The following TJP1 variants were observed in gnomAD, a reference collection of about 807,000 sequenced individuals.
The protein encoded by TJP1 is tight junction protein ZO-1.
A neutral mutation model predicts 194.2 loss-of-function variants in TJP1; 43 were observed. The observed-to-expected ratio is 0.22, with a 90% CI of 0.17 to 0.29. TJP1 has a LOEUF of 0.29. Among genes scored for constraint, TJP1 ranks in the 10% least tolerant of loss-of-function variants. TJP1 has a pLI of 1.00. For synonymous variants in TJP1, 801 were observed against 779.0 expected, an observed-to-expected ratio of 1.03 and a Z score of -0.47; for missense variants, 1,971 against 2,185.7, an observed-to-expected ratio of 0.90 and a Z score of 1.96.
chr15:29,808,623 C>A (rs1595973313), intron 1 of TJP1, among the ~76,000 whole-genome samples: 2 of 152,268 alleles, frequency 1.3e-5, no homozygotes, highest in Middle Eastern at 6.8e-3. Flanking sequence ...GCTGGCAGAA[C>A]TCATTATTTT....
chr15:29,899,161 G>A (rs979037779), intron 2 of TJP1, among the ~76,000 whole-genome samples: 2 of 152,140 alleles, frequency 1.3e-5, no homozygotes, highest in African/African-American at 4.8e-5. Context: ...GTTTCATGAG[G>A]CAGAAAGTGA....
At chr15:29,889,241 TAA>T (rs1398153257) in intron 2 of TJP1, among the ~76,000 whole-genome samples, 1 of 152,256 alleles carries the variant, frequency 6.6e-6, no homozygotes, top group Admixed American at 6.5e-5. Context: ...AGAAATTTAT[TAA>T]GTTTGTAAAT....
chr15:29,788,707 A>G (rs564867144), intron 2 of TJP1, among the ~76,000 whole-genome samples: 6 of 152,366 alleles, frequency 3.9e-5, no homozygotes, highest in African/African-American at 1.4e-4. Flanking sequence ...ATACTTTAGT[A>G]TACAAATATT....
intron 21 of TJP1, 34 bp downstream of exon 21, chr15:29,718,232 G>C: frequency 6.2e-7 from 1 of 1,601,510 alleles, no homozygotes; most frequent in South Asian, 1.1e-5. Context: ...TAAACGGTGT[G>C]CCCATGCATC....
chr15:29,961,031 G>A (rs1252432033), intron 1 of TJP1, among the ~76,000 whole-genome samples: 1 of 152,168 alleles, frequency 6.6e-6, no homozygotes, highest in South Asian at 2.1e-4. Flanking sequence ...AGGGGCGTGT[G>A]TGTTTCATTG....
chr15:29,748,990 A>C (rs1051927938), intron 8 of TJP1, among the ~76,000 whole-genome samples: 19 of 151,544 alleles, frequency 1.3e-4, no homozygotes, highest in African/African-American at 4.6e-4. Flanking sequence ...TATTATGAGG[A>C]AAGCTTTCTA....
intron 5 of TJP1, among the ~76,000 whole-genome samples, chr15:29,765,831 G>T (rs541884400): frequency 6.6e-6 from 1 of 152,308 alleles, no homozygotes; most frequent in African/African-American, 2.4e-5. Flanking sequence ...AGCAGAGGTT[G>T]CAGGGAGCTG....
intron 2 of TJP1, among the ~76,000 whole-genome samples, chr15:29,832,690 A>AT (rs1567115778): frequency 6.6e-6 from 1 of 152,226 alleles, no homozygotes; most frequent in Non-Finnish European, 1.5e-5. Flanking sequence ...CCTTTTGTGT[A>AT]TATGAAGTAC....
At chr15:29,790,286 G>C (rs1454561152) in intron 2 of TJP1, among the ~76,000 whole-genome samples, 1 of 152,176 alleles carries the variant, frequency 6.6e-6, no homozygotes, top group Non-Finnish European at 1.5e-5. Context: ...TAAGACAGTT[G>C]AAAGTACCAT....
intron 2 of TJP1, among the ~76,000 whole-genome samples, chr15:29,873,920 CACA>C (rs2052610661): frequency 6.6e-6 from 1 of 152,150 alleles, no homozygotes; most frequent in Non-Finnish European, 1.5e-5. Flanking sequence ...TGAGATATTG[CACA>C]AAGTACAGCA....
At chr15:29,938,355 CAA>C (rs1410008335) in intron 2 of TJP1, among the ~76,000 whole-genome samples, 1 of 152,032 alleles carries the variant, frequency 6.6e-6, no homozygotes, top group Non-Finnish European at 1.5e-5. Flanking sequence ...AATGGAGAAA[CAA>C]AGTTAATAAA....
intron 16 of TJP1, among the ~76,000 whole-genome samples, chr15:29,727,293 G>A (rs567740404): frequency 4.6e-5 from 7 of 151,350 alleles, no homozygotes; most frequent in East Asian, 2.0e-4. Context: ...ACAGTGAGCC[G>A]AGATCACGCC....
At position 29,732,450 on chromosome 15, in the gene TJP1, T is replaced by G. The variant is rs374150444; in HGVS notation, c.2000A>C (p.Asp667Ala). Residue 667 changes from aspartate (D) to alanine (A), a missense_variant, in exon 15 of 28, where the codon GAT becomes GCT. By Grantham distance (126) the Asp-to-Ala change is moderately radical (BLOSUM62 -2). Transcript: ENST00000614355. ...CTACTTACTTGCAATTTGATAAATATCTGGTTCTTCTCTTGCCAGCTTTTC... is the reference window on the plus strand; with the variant it reads ...CTACTTACTTGCAATTTGATAAATAGCTGGTTCTTCTCTTGCCAGCTTTTC... ...AREKLAREEP[D>A]IYQIAKSEPR... is the part of the protein sequence containing the mutation. 107 of 1,613,398 alleles carry G rather than the reference T, an allele frequency of 6.6e-5. No homozygotes were observed. Among genetic ancestry groups the G allele is most frequent in the Admixed American group, 3.3e-4 (20 of 60,006 alleles).
At chr15:29,794,173 C>A (rs2048265472) in intron 2 of TJP1, among the ~76,000 whole-genome samples, 1 of 151,916 alleles carries the variant, frequency 6.6e-6, no homozygotes, top group African/African-American at 2.4e-5. Flanking sequence ...ATTCAAAAAA[C>A]CAAAAACAAA....
Position 29,700,278 on chromosome 15 carries a change from G to T in TJP1, c.*1317C>A, listed in dbSNP as rs1334596978. On this transcript the variant is annotated 3_prime_UTR_variant, in exon 28 of 28. Coordinates refer to ENST00000614355, the MANE Select transcript of TJP1 (RefSeq NM_001330239.4). ...GTATTATCTAAACAGAAATCGTGCT[G>T]ATGTGCCATAATAAATTGTCTATTA... 2 of 398,920 alleles carry T rather than the reference G, an allele frequency of 5.0e-6. No homozygotes were observed. Among genetic ancestry groups the T allele is most frequent in the East Asian group, 7.1e-5 (2 of 28,052 alleles). 24.7% of individuals were successfully genotyped at this position (398,920 alleles called of 1,614,324 possible).
At chr15:29,775,261 G>A (rs1207806096) in intron 2 of TJP1, among the ~76,000 whole-genome samples, 4 of 151,170 alleles carry the variant, frequency 2.6e-5, no homozygotes, top group Non-Finnish European at 5.9e-5. Flanking sequence ...TGGCAATTCG[G>A]TATACCAAAG....
chr15:29,709,106 T>C, intron 24 of TJP1, 70 bp from the exon 25 acceptor site: 2 of 1,450,222 alleles, frequency 1.4e-6, no homozygotes, highest in South Asian at 1.3e-5. Context: ...CCAGCTTAAC[T>C]TGTCCTGGTG....
chr15:29,740,633 A>C (rs1220930348), intron 10 of TJP1, among the ~76,000 whole-genome samples: 1 of 152,042 alleles, frequency 6.6e-6, no homozygotes, highest in Non-Finnish European at 1.5e-5. Flanking sequence ...CCCTGTTTAA[A>C]AAAAAAAACT....
At chr15:29,831,578 A>C (rs1448298779) in intron 2 of TJP1, among the ~76,000 whole-genome samples, 1 of 152,224 alleles carries the variant, frequency 6.6e-6, no homozygotes, top group Non-Finnish European at 1.5e-5. Flanking sequence ...TTTAAAAACA[A>C]GTTAATAAAA....
Sources: gnomAD v4.1 joint callset for allele counts (sites outside exome capture counted in the v4.1 genomes callset) on GRCh38, gnomAD v4.1.1 for gene constraint, MANE v1.5 for transcripts, NCBI Gene and HGNC (gene_info 2026-07-23, HGNC 2026-07-21) for gene names.